Variants in TEC observed in about 807,000 individuals in gnomAD.
The protein encoded by TEC is tec protein tyrosine kinase.
Under a neutral mutation model 93.0 loss-of-function variants are expected in TEC, and 72 were observed. The observed-to-expected ratio is 0.77, with a 90% CI of 0.64 to 0.94. The LOEUF is 0.94. Among genes scored for constraint, TEC ranks in the 40% least tolerant of loss-of-function variants. The pLI is 0.00. For missense variants in TEC, 630 were observed against 757.9 expected (o/e 0.83, Z 1.98); for synonymous variants, 249 against 247.7 (o/e 1.01, Z -0.05).
At chr4:48,149,185 T>TA (rs1394441733) in intron 11 of TEC, among the ~76,000 whole-genome samples, 2 of 152,216 alleles carry the variant, frequency 1.3e-5, no homozygotes, top group Non-Finnish European at 2.9e-5. Flanking sequence ...TTTGGGTATA[T>TA]ACCCAAGTAA....
At chr4:48,236,401 C>T (rs1185316537) in intron 1 of TEC, among the ~76,000 whole-genome samples, 2 of 151,930 alleles carry the variant, frequency 1.3e-5, no homozygotes, top group African/African-American at 4.8e-5. Context: ...CCTGCCTCAG[C>T]CTCCCGAGTA....
At chr4:48,215,609 C>G (rs1241824249) in intron 2 of TEC, among the ~76,000 whole-genome samples, 2 of 152,192 alleles carry the variant, frequency 1.3e-5, no homozygotes, top group Admixed American at 6.5e-5. Context: ...GTAGGCTAGG[C>G]TAACCTACAA....
chr4:48,168,765 G>T, intron 5 of TEC, 139 bp from the exon 6 acceptor site: 1 of 791,460 alleles, frequency 1.3e-6, no homozygotes, highest in Non-Finnish European at 2.1e-6. Flanking sequence ...GGTGTATGCT[G>T]CTTGTATCTC....
intron 1 of TEC, among the ~76,000 whole-genome samples, chr4:48,232,991 G>A (rs1158057412): frequency 1.3e-5 from 2 of 152,172 alleles, no homozygotes; most frequent in Non-Finnish European, 2.9e-5. Context: ...CCATGCCATA[G>A]ATCTAGGTGA....
chr4:48,200,053 G>C (rs769874217), intron 2 of TEC, among the ~76,000 whole-genome samples: 2 of 152,186 alleles, frequency 1.3e-5, no homozygotes, highest in Non-Finnish European at 2.9e-5. Flanking sequence ...GTGGTACAAA[G>C]TAAAAGTGCA....
intron 14 of TEC, among the ~76,000 whole-genome samples, chr4:48,144,314 C>T (rs1719811539): frequency 6.6e-6 from 1 of 152,078 alleles, no homozygotes; most frequent in African/African-American, 2.4e-5. Context: ...GAGAAAGTCC[C>T]AAATGAAAAT....
rs1220140209 is a variant in TEC at position 48,189,258 on chromosome 4, G to C, written c.139-13072C>G. 3.3e-5 allele frequency among the ~76,000 whole-genome samples: 5 copies of C among 152,106 alleles called. No homozygotes were observed. The East Asian group carries it at 7.7e-4, about 24-fold the overall frequency. The stretch of plus-strand genomic sequence containing the variant: ...AACATTCCTTGACATTTGTTATTTT[G>C]TACCTGTATTCCTTGACCACCAGGC... On this transcript the variant is annotated intron_variant, in intron 2 of 17. Coordinates refer to ENST00000381501, the MANE Select transcript of TEC (RefSeq NM_003215.3).
chr4:48,186,161 C>G (rs1721832256), intron 2 of TEC, among the ~76,000 whole-genome samples: 1 of 152,238 alleles, frequency 6.6e-6, no homozygotes, highest in South Asian at 2.1e-4. Flanking sequence ...ACTAGGTGCT[C>G]AACGTTGCCC....
chr4:48,166,274 G>A (rs1406195596), intron 7 of TEC, among the ~76,000 whole-genome samples: 1 of 152,136 alleles, frequency 6.6e-6, no homozygotes, highest in Non-Finnish European at 1.5e-5. Context: ...TCCATGCACT[G>A]CAACATTCTG....
chr4:48,230,554 C>T lies in TEC; in HGVS notation c.-45-1895G>A, dbSNP rs148948821. Among the ~76,000 whole-genome samples the T allele has an allele frequency of 8.0e-3, 1,223 of 152,288 alleles. 9 individuals are homozygous for T. The highest frequency in any genetic ancestry group is 0.054 in the Middle Eastern group (16 of 294). On this transcript the variant is annotated intron_variant, in intron 1 of 17. Transcript: ENST00000381501. ...GGTCTTCATTTCCTCAAGTTCTTGC[C>T]TGCTTTTATTCAAACTGCCTATCCA...
intron 9 of TEC, 134 bp from the exon 10 acceptor site, chr4:48,151,076 C>T (rs1327815093): frequency 1.8e-6 from 1 of 564,968 alleles, no homozygotes; most frequent in East Asian, 3.1e-5. Flanking sequence ...TGAAGAAGCA[C>T]AACTTACCAG....
At chr4:48,168,651 GA>G (rs1720974787) in intron 5 of TEC, 25 bp from the exon 6 acceptor site, 15 of 1,597,206 alleles carry the variant, frequency 9.4e-6, no homozygotes, top group Non-Finnish European at 1.3e-5. Context: ...AACAAAAACA[GA>G]TTAAAATGCT....
intron 8 of TEC, among the ~76,000 whole-genome samples, chr4:48,163,380 T>G (rs539450347): frequency 4.3e-4 from 65 of 152,352 alleles, no homozygotes; most frequent in Middle Eastern, 3.4e-3. Flanking sequence ...TGGAAACTGT[T>G]CTGCTTATGT....
chr4:48,167,777 C>A lies in TEC; in HGVS notation c.671+1G>T, dbSNP rs1359134577. 6 of 1,613,358 alleles carry A rather than the reference C, an allele frequency of 3.7e-6. No homozygotes were observed. Among genetic ancestry groups the A allele is most frequent in the Non-Finnish European group, 5.1e-6 (6 of 1,179,596 alleles). ...ATCACACACATAGAGGGAATACTTA[C>A]CCATATTTATCTCTTGCTCTCCACC... On this transcript the variant is annotated splice_donor_variant, in intron 7 of 17. Transcript: ENST00000381501. LOFTEE classifies it high-confidence loss of function.
chr4:48,214,161 A>T lies in TEC; in HGVS notation c.138+14316T>A, dbSNP rs753066052. Reference sequence around the variant, plus strand: ...GAGGTATTGTGTGTGATATGTTTAAATTACAAAACAACTTCTTCCCTCAAG... The same window carrying T: ...GAGGTATTGTGTGTGATATGTTTAATTTACAAAACAACTTCTTCCCTCAAG... On this transcript the variant is annotated intron_variant, in intron 2 of 17. Transcript: ENST00000381501. Among the ~76,000 whole-genome samples the T allele has an allele frequency of 3.4e-4, 51 of 152,236 alleles. 1 individual carries two copies. Among genetic ancestry groups the T allele is most frequent in the Non-Finnish European group, 6.2e-4 (42 of 68,046 alleles).
In TEC at chr4:48,149,492, A is replaced by G. The variant is rs886867538; in HGVS notation, c.1006+65T>C. ...TAAAATAAAACTGCTCAAGGAATTA[A>G]TCACAGTATCTGATCATTTTAATCA... On this transcript the variant is annotated intron_variant, in intron 11 of 17. Transcript: ENST00000381501. 19 of 1,436,232 alleles carry G rather than the reference A, an allele frequency of 1.3e-5. No homozygotes were observed. In the Admixed American group the frequency reaches 2.6e-4, roughly 20 times the overall value. 89.0% of individuals were successfully genotyped at this position (1,436,232 alleles called of 1,614,324 possible).
Position 48,156,700 on chromosome 4 carries a change from C to T in TEC, c.772G>A (p.Glu258Lys). 2 of 1,612,150 alleles carry T rather than the reference C, an allele frequency of 1.2e-6. No homozygotes were observed. Among genetic ancestry groups the T allele is most frequent in the Non-Finnish European group, 1.7e-6 (2 of 1,179,430 alleles). ...YCRNMNRSKA[E>K]QLLRSEDKEG... ...CTTACTTCACTGCGGAGGAGTTGCT[C>T]TGCCTTGCTTCTATTCATATTTCTG... Residue 258 changes from glutamate to lysine, a missense_variant, in exon 9 of 18, where the codon GAG becomes AAG. By Grantham distance (56) the Glu-to-Lys change is moderately conservative. Transcript: ENST00000381501.
chr4:48,206,287 T>C (rs1722709994), intron 2 of TEC, among the ~76,000 whole-genome samples: 1 of 152,228 alleles, frequency 6.6e-6, no homozygotes, highest in African/African-American at 2.4e-5. Context: ...GTACTTAATG[T>C]TACTGAATTG....
chr4:48,161,732 G>A (rs914029092), intron 8 of TEC, among the ~76,000 whole-genome samples: 44 of 151,874 alleles, frequency 2.9e-4, no homozygotes, highest in African/African-American at 9.7e-4. Flanking sequence ...TGCCAAAGGA[G>A]ATTAACATTT....
Sources: gnomAD v4.1 joint callset for allele counts (sites outside exome capture counted in the v4.1 genomes callset) on GRCh38, gnomAD v4.1.1 for gene constraint, MANE v1.5 for transcripts, NCBI Gene and HGNC (gene_info 2026-07-23, HGNC 2026-07-21) for gene names.